Variants in PSG2 observed in about 807,000 individuals in gnomAD.
PSG2 encodes pregnancy-specific beta-1-glycoprotein 2.
A neutral mutation model predicts 36.2 loss-of-function variants in PSG2; 49 were observed. The ratio of observed to expected loss-of-function variants is 1.35; its 90% CI spans 1.08 to 1.72. The LOEUF (loss-of-function observed/expected upper bound fraction) is 1.72, where lower values mean the gene tolerates loss of function less well. Among genes scored for constraint, PSG2 ranks in the 40% most tolerant of loss-of-function variants. The pLI, the probability that PSG2 is intolerant of heterozygous loss-of-function variation, is 0.00. For synonymous variants in PSG2, 261 were observed against 155.6 expected, an observed-to-expected ratio of 1.68 and a Z score of -5.04; for missense variants, 605 against 407.2, an observed-to-expected ratio of 1.49 and a Z score of -4.18.
chr19:43,068,560 C>A (rs1365863378), intron 4 of PSG2, among the ~76,000 whole-genome samples: 3 of 150,766 alleles, frequency 2.0e-5, no homozygotes, highest in Non-Finnish European at 4.4e-5. Flanking sequence ...AATTGTATGC[C>A]AATAAATTGG....
At position 43,081,193 on chromosome 19, in the gene PSG2, C is replaced by T; in HGVS notation, c.118G>A (p.Ala40Thr). 2 of 1,612,668 alleles carry T rather than the reference C, an allele frequency of 1.2e-6. No homozygotes were observed. Among genetic ancestry groups the T allele is most frequent in the Non-Finnish European group, 1.7e-6 (2 of 1,179,630 alleles). ...CCCTCGGAAACTTTTGGTGGCTGGGCTTCAATCGTGACTTGGGCAGTGGTG... is the reference window on the plus strand; with the variant it reads ...CCCTCGGAAACTTTTGGTGGCTGGGTTTCAATCGTGACTTGGGCAGTGGTG... Reference protein sequence around the residue: ...LPTTAQVTIEAQPPKVSEGKD... With the variant: ...LPTTAQVTIETQPPKVSEGKD... Residue 40 changes from alanine to threonine, a missense_variant, in exon 2 of 6, where the codon GCC (alanine) becomes ACC (threonine). Coordinates refer to ENST00000406487, the MANE Select transcript of PSG2 (RefSeq NM_031246.4).
chr19:43,075,294 C>T (rs1487903785), intron 3 of PSG2, 60 bp downstream of exon 3: 33 of 1,612,880 alleles, frequency 2.0e-5, no homozygotes, highest in Non-Finnish European at 2.7e-5. Context: ...AGAGGCCTGG[C>T]CTCTGGCCAT....
intron 4 of PSG2, among the ~76,000 whole-genome samples, chr19:43,071,093 G>A (rs1967808856): frequency 6.6e-6 from 1 of 151,486 alleles, no homozygotes; most frequent in African/African-American, 2.4e-5. Context: ...GCCCGGGGGA[G>A]GCTTGGCTTC....
rs192618371 is a variant in PSG2 at position 43,064,375 on chromosome 19, G to A, written c.*267C>T. 246 of 311,002 alleles carry A rather than the reference G, an allele frequency of 7.9e-4. 7 individuals carry two copies. The highest frequency in any genetic ancestry group is 5.1e-3 in the African/African-American group (233 of 45,364). 19.3% of individuals were successfully genotyped at this position (311,002 alleles called of 1,614,324 possible). ...AAAAATGTTCATAAATCTGGAGAATGAAACATTCCAAGAATCAGCACATTT... is the reference window on the plus strand; with the variant it reads ...AAAAATGTTCATAAATCTGGAGAATAAAACATTCCAAGAATCAGCACATTT... On this transcript the variant is annotated 3_prime_UTR_variant, in exon 6 of 6. Coordinates refer to ENST00000406487, the MANE Select transcript of PSG2 (RefSeq NM_031246.4).
At chr19:43,078,815 G>A (rs1388428712) in intron 2 of PSG2, among the ~76,000 whole-genome samples, 1 of 151,586 alleles carries the variant, frequency 6.6e-6, no homozygotes, top group African/African-American at 2.4e-5. Context: ...CAGGAGGCCA[G>A]AAGAACTTGT....
At chr19:43,069,705 AATAG>A (rs1967789844) in intron 4 of PSG2, among the ~76,000 whole-genome samples, 1 of 151,694 alleles carries the variant, frequency 6.6e-6, no homozygotes. Context: ...ATCAACCCAT[AATAG>A]ATCAAAGATC....
chr19:43,066,562 T>G lies in PSG2; in HGVS notation c.1003A>C (p.Thr335Pro). The change falls in exon 5 of 6, where the codon ACA becomes CCA. Residue 335 changes from threonine to proline, a missense_variant. By Grantham distance (38) the Thr-to-Pro change is conservative. Coordinates refer to ENST00000406487, the MANE Select transcript of PSG2 (RefSeq NM_031246.4). ...CAGAAATGACATCACAGCTGCTATG[T>G]TGGATTAAGGAGAGGAAGAAGTCCT... ...RIGLLPLLNP[T>P] The G allele has an allele frequency of 7.5e-6, 12 of 1,599,072 alleles. 1 individual carries two copies. The highest frequency in any genetic ancestry group is 1.0e-5 in the Non-Finnish European group (12 of 1,167,164).
intron 2 of PSG2, among the ~76,000 whole-genome samples, chr19:43,077,838 G>T (rs191144593): frequency 6.6e-6 from 1 of 151,710 alleles, no homozygotes; most frequent in Non-Finnish European, 1.5e-5. Flanking sequence ...TTCAGTTTTG[G>T]AAATTTCTAT....
chr19:43,075,778 T>G (rs1967887249), intron 2 of PSG2, 146 bp from the exon 3 acceptor site: 3 of 1,469,632 alleles, frequency 2.0e-6, no homozygotes, highest in Non-Finnish European at 2.7e-6. Flanking sequence ...ACAAGACAGA[T>G]GCATGGCAAT....
At position 43,067,943 on chromosome 19, in the gene PSG2, A is replaced by G. The variant is rs1005120310; in HGVS notation, c.965-1343T>C. 2.6e-5 allele frequency among the ~76,000 whole-genome samples: 4 copies of G among 151,400 alleles called. 1 individual carries two copies. The highest frequency in any genetic ancestry group is 2.0e-4 in the Admixed American group (3 of 15,220). On this transcript the variant is annotated intron_variant, in intron 4 of 5. Coordinates refer to ENST00000406487, the MANE Select transcript of PSG2 (RefSeq NM_031246.4). ...TTAATACTTCAGGATATGAAAGAAG[A>G]ACAAACTAAACCCAAGCACAGTGAA...
chr19:43,080,816 CTG>C, intron 2 of PSG2, 63 bp downstream of exon 2: 1 of 1,611,958 alleles, frequency 6.2e-7, no homozygotes, highest in Non-Finnish European at 8.5e-7. Context: ...CCTGACAATC[CTG>C]TGTGTGTGAA....
Position 43,072,691 on chromosome 19 carries a change from C to A in PSG2, c.710-737G>T. 2 of 1,590,864 alleles carry A rather than the reference C, an allele frequency of 1.3e-6. 1 individual carries two copies. Among genetic ancestry groups the A allele is most frequent in the African/African-American group, 2.7e-5 (2 of 74,028 alleles). ...CACTTTTGATTCCTCCACAGGCATC[C>A]TTCAATCAGAGTTACCATCTCCCAC... On this transcript the variant is annotated intron_variant, in intron 3 of 5. Transcript: ENST00000406487.
At chr19:43,074,876 T>G (rs115790427) in intron 3 of PSG2, among the ~76,000 whole-genome samples, 15,210 of 151,324 alleles carry the variant, frequency 0.1, 1,018 homozygotes, top group Admixed American at 0.15. Flanking sequence ...GGTGAGTGTC[T>G]GTGAGGCAGG....
rs924682861 is a variant in PSG2 at position 43,072,531 on chromosome 19, T to C, written c.710-577A>G. The C allele has an allele frequency of 1.1e-5, 18 of 1,611,060 alleles. 1 individual carries two copies. The highest frequency in any genetic ancestry group is 6.7e-5 in the Admixed American group (4 of 59,952). ...TGACCATTTAGCCACCAAATGTAGG[T>C]GTAGCTCTCACTCTTAGGTTCACAG... On this transcript the variant is annotated intron_variant, in intron 3 of 5. Transcript: ENST00000406487.
At chr19:43,081,884 T>G (rs1228357458) in intron 1 of PSG2, 3 of 155,380 alleles carry the variant, frequency 1.9e-5, no homozygotes, top group African/African-American at 7.3e-5. Flanking sequence ...CTGAGGACAG[T>G]GTTTCACGTC....
chr19:43,076,705 G>A lies in PSG2; in HGVS notation c.431-1073C>T, dbSNP rs539186015. Among the ~76,000 whole-genome samples, 59 of 151,690 alleles carry A rather than the reference G, an allele frequency of 3.9e-4. 1 individual carries two copies. The highest frequency in any genetic ancestry group is 1.4e-3 in the African/African-American group (56 of 41,136). On this transcript the variant is annotated intron_variant, in intron 2 of 5. Transcript: ENST00000406487. Reference sequence around the variant, plus strand: ...ATAGGGCGTTGTTCTGTGGGTGTGCGGTTCCAGTTATGCAGGATAAGGAGG... The same window carrying A: ...ATAGGGCGTTGTTCTGTGGGTGTGCAGTTCCAGTTATGCAGGATAAGGAGG...
At chr19:43,070,257 G>C (rs1471340417) in intron 4 of PSG2, among the ~76,000 whole-genome samples, 1 of 151,684 alleles carries the variant, frequency 6.6e-6, no homozygotes, top group Non-Finnish European at 1.5e-5. Flanking sequence ...GATGGGAATG[G>C]GAAATGTTAT....
At chr19:43,072,535 G>C in intron 3 of PSG2, 3 of 1,611,282 alleles carry the variant, frequency 1.9e-6, no homozygotes, top group Admixed American at 1.7e-5. Flanking sequence ...TGTAGGTGTA[G>C]CTCTCACTCT....
chr19:43,073,335 T>C (rs1341844638), intron 3 of PSG2, among the ~76,000 whole-genome samples: 3 of 151,776 alleles, frequency 2.0e-5, no homozygotes, highest in Non-Finnish European at 2.9e-5. Context: ...AGCTGGTGGC[T>C]TTGGAGCAGA....
Sources: allele counts gnomAD v4.1 joint callset (sites outside exome capture counted in the v4.1 genomes callset), GRCh38; gene constraint gnomAD v4.1.1; transcripts MANE v1.5; gene names NCBI Gene and HGNC (gene_info 2026-07-23, HGNC 2026-07-21).